The following CCNY variants were observed in gnomAD, a reference collection of about 807,000 sequenced individuals.
The protein encoded by CCNY is cyclin-Y.
CCNY carries 19 observed loss-of-function variants against 42.8 expected under a neutral mutation model. That is an observed-to-expected ratio of 0.44 (90% CI 0.31 to 0.65). The LOEUF (loss-of-function observed/expected upper bound fraction) is 0.65, where lower values mean the gene tolerates loss of function less well. Among genes scored for constraint, CCNY ranks in the 30% least tolerant of loss-of-function variants. CCNY has a pLI of 0.07. For missense variants in CCNY, 370 were observed against 437.3 expected, an observed-to-expected ratio of 0.85 and a Z score of 1.37; for synonymous variants, 165 against 162.7, an observed-to-expected ratio of 1.01 and a Z score of -0.11.
chr10:35,534,079 T>G, intron 7 of CCNY, among the ~76,000 whole-genome samples: 1 of 151,934 alleles, frequency 6.6e-6, no homozygotes, highest in East Asian at 1.9e-4. Context: ...TGGAGTACAG[T>G]GGCACAATCT....
intron 3 of CCNY, chr10:35,314,765 C>CAATTAATT (rs1425280374): frequency 6.6e-6 from 1 of 152,112 alleles, no homozygotes; most frequent in Non-Finnish European, 1.5e-5. Flanking sequence ...CTGATTCTTG[C>CAATTAATT]AATGAGTATT....
chr10:35,372,605 G>A (rs909286614), intron 1 of CCNY, among the ~76,000 whole-genome samples: 1 of 152,092 alleles, frequency 6.6e-6, no homozygotes, highest in African/African-American at 2.4e-5. Context: ...TTGTACTTTT[G>A]CTGGGCATCA....
rs144082631 is a variant in CCNY, at chr10:35,507,613, G to T, written c.264+6078G>T. On this transcript the variant is annotated intron_variant, in intron 3 of 9. Coordinates refer to ENST00000374704, the MANE Select transcript of CCNY (RefSeq NM_145012.6). ...CTTCTAATTAACTGATCATATTCCAGCAATGTTAAGTGGCTCCGTAATGTC... is the reference window on the plus strand; with the variant it reads ...CTTCTAATTAACTGATCATATTCCATCAATGTTAAGTGGCTCCGTAATGTC... Among the ~76,000 whole-genome samples the T allele has an allele frequency of 1.6e-3, 244 of 152,238 alleles. 1 individual carries two copies. Among genetic ancestry groups the T allele is most frequent in the Non-Finnish European group, 2.9e-3 (194 of 68,030 alleles).
At chr10:35,500,349 G>C (rs1412186137) in intron 2 of CCNY, among the ~76,000 whole-genome samples, 1 of 152,210 alleles carries the variant, frequency 6.6e-6, no homozygotes, top group Non-Finnish European at 1.5e-5. Flanking sequence ...ATTCCAGAGA[G>C]GACAAGACTT....
chr10:35,265,626 G>C (rs1014481994), intron 3 of CCNY, among the ~76,000 whole-genome samples: 1 of 152,246 alleles, frequency 6.6e-6, no homozygotes, highest in South Asian at 2.1e-4. Flanking sequence ...GCGCCTGAAG[G>C]TGCCGCTCCC....
rs1481108994 is a variant in CCNY at position 35,475,377 on chromosome 10, G to A, written c.155-8027G>A. On this transcript the variant is annotated intron_variant, in intron 1 of 9. Coordinates refer to ENST00000374704, the MANE Select transcript of CCNY (RefSeq NM_145012.6). ...TGAAATGAAGGAAAAAATGTTAAGG[G>A]CAGCCAGAGAGAAAGGTCGGGTTAC... is the stretch of plus-strand genomic sequence containing the variant. 4.6e-5 allele frequency among the ~76,000 whole-genome samples: 7 copies of A among 152,162 alleles called. No homozygotes were observed. The East Asian group carries it at 1.2e-3, about 25-fold the overall frequency.
intron 1 of CCNY, among the ~76,000 whole-genome samples, chr10:35,406,120 C>T (rs1018899050): frequency 1.1e-4 from 17 of 150,918 alleles, no homozygotes; most frequent in Non-Finnish European, 2.2e-4. Flanking sequence ...ACCTTGAAAG[C>T]GAGGTTAATT....
At chr10:35,489,679 G>A (rs1839859796) in intron 2 of CCNY, among the ~76,000 whole-genome samples, 1 of 152,000 alleles carries the variant, frequency 6.6e-6, no homozygotes, top group Admixed American at 6.5e-5. Flanking sequence ...TAGTTTATAT[G>A]TCGAAAAATC....
chr10:35,531,206 TAGCTTTGCCTGTGCATGAGC>T (rs1170588953), intron 7 of CCNY, among the ~76,000 whole-genome samples: 14 of 152,260 alleles, frequency 9.2e-5, no homozygotes, highest in Admixed American at 2.0e-4. Flanking sequence ...GATGAGAAAT[TAGCTTTGCCTGTGCATGAGC>T]TATCCTGGAG....
At chr10:35,548,292 GTATATATATATA>G (rs113069550) in intron 7 of CCNY, among the ~76,000 whole-genome samples, 155 of 143,824 alleles carry the variant, frequency 1.1e-3, no homozygotes, top group Middle Eastern at 3.7e-3. Flanking sequence ...ATATATTTAT[GTATATATATATA>G]TATATATTTT....
chr10:35,546,660 A>C (rs992022461), intron 7 of CCNY, among the ~76,000 whole-genome samples: 1 of 152,216 alleles, frequency 6.6e-6, no homozygotes, highest in Non-Finnish European at 1.5e-5. Flanking sequence ...CTTATCTCCC[A>C]ATATAGCAAC....
At chr10:35,402,905 A>G (rs1837674016) in intron 1 of CCNY, among the ~76,000 whole-genome samples, 2 of 152,174 alleles carry the variant, frequency 1.3e-5, no homozygotes, top group Admixed American at 1.3e-4. Context: ...ATGGGACTGT[A>G]TAGAGGTGGG....
rs1380707286 is a variant in CCNY, at chr10:35,336,577, C to A, written c.-477C>A. On this transcript the variant is annotated 5_prime_UTR_variant, in exon 1 of 10. Coordinates refer to ENST00000374704, the MANE Select transcript of CCNY (RefSeq NM_145012.6). ...GCTGCGCCCACGCCCGCTGCCCGCC[C>A]GCTCGTCGGCTAGTCCCGCCGTCCG... is the stretch of plus-strand genomic sequence containing the variant. Among the ~76,000 whole-genome samples the A allele has an allele frequency of 6.7e-6, 1 of 148,620 alleles. No homozygotes were observed.
rs1210676746 is a variant in CCNY at position 35,253,876 on chromosome 10, T to C, written c.-9+3250T>C. 5.0e-5 allele frequency among the ~76,000 whole-genome samples: 3 copies of C among 59,440 alleles called. No homozygotes were observed. In the East Asian group the frequency reaches 1.3e-3, roughly 26 times the overall value. 39.0% of individuals were successfully genotyped at this position (59,440 alleles called of 152,430 possible). On this transcript the variant is annotated intron_variant, in intron 3 of 11. Coordinates refer to the CCNY transcript ENST00000374706. ...TATCCTCAACTGTTTGAGCAACTGTTTTTTTTTTTTTTTTTTTGAGACGGA... is the reference window on the plus strand; with the variant it reads ...TATCCTCAACTGTTTGAGCAACTGTCTTTTTTTTTTTTTTTTTGAGACGGA...
In CCNY at chr10:35,524,079, A is replaced by C. The variant is rs1390914977; in HGVS notation, c.366-1885A>C. Among the ~76,000 whole-genome samples, 7 of 152,218 alleles carry C rather than the reference A, an allele frequency of 4.6e-5. No individual in the cohort carries two copies. The East Asian group carries it at 1.3e-3, about 29-fold the overall frequency. On this transcript the variant is annotated intron_variant, in intron 4 of 9. Coordinates refer to ENST00000374704, the MANE Select transcript of CCNY (RefSeq NM_145012.6). ...AATGAAACTAATTCCTCCCTTTCCC[A>C]GAGGCTACATGGTCAAAACAGAAGG...
chr10:35,406,382 C>A (rs1479725789), intron 1 of CCNY, among the ~76,000 whole-genome samples: 1 of 151,938 alleles, frequency 6.6e-6, no homozygotes, highest in Non-Finnish European at 1.5e-5. Flanking sequence ...TGTGGCCTTC[C>A]GCAGTGTTTG....
At chr10:35,498,226 A>G (rs904752997) in intron 2 of CCNY, among the ~76,000 whole-genome samples, 4 of 152,218 alleles carry the variant, frequency 2.6e-5, no homozygotes, top group Non-Finnish European at 5.9e-5. Flanking sequence ...CACTCATGTA[A>G]GAAGGCTCTG....
intron 7 of CCNY, among the ~76,000 whole-genome samples, chr10:35,531,204 A>G (rs1840759678): frequency 6.6e-6 from 1 of 152,256 alleles, no homozygotes; most frequent in South Asian, 2.1e-4. Flanking sequence ...TAGATGAGAA[A>G]TTAGCTTTGC....
intron 3 of CCNY, among the ~76,000 whole-genome samples, chr10:35,268,796 CT>C (rs1243096083): frequency 6.6e-6 from 1 of 152,234 alleles, no homozygotes; most frequent in Non-Finnish European, 1.5e-5. Context: ...TGAGCCATAC[CT>C]GGGCCTGCTG....
Sources: gnomAD v4.1 joint callset for allele counts (sites outside exome capture counted in the v4.1 genomes callset) on GRCh38, gnomAD v4.1.1 for gene constraint, MANE v1.5 for transcripts, NCBI Gene and HGNC (gene_info 2026-07-23, HGNC 2026-07-21) for gene names.